The following SH3BGRL2 variants were observed in gnomAD, a reference collection of about 807,000 sequenced individuals.
SH3BGRL2 encodes the protein SH3 domain-binding glutamic acid-rich-like protein 2.
A neutral mutation model predicts 14.8 loss-of-function variants in SH3BGRL2; 21 were observed. The ratio of observed to expected loss-of-function variants is 1.42; its 90% CI spans 1.01 to 2.05. The LOEUF is 2.05. Ranked by LOEUF, SH3BGRL2 falls within the 30% of genes most tolerant of loss-of-function variation. The pLI, the probability that SH3BGRL2 is intolerant of heterozygous loss-of-function variation, is 0.00. For synonymous variants in SH3BGRL2, 50 were observed against 47.8 expected, an observed-to-expected ratio of 1.05 and a Z score of -0.19; for missense variants, 147 against 130.8, an observed-to-expected ratio of 1.12 and a Z score of -0.61.
the SH3BGRL2 span, among the ~76,000 whole-genome samples, chr6:79,596,695 T>C: frequency 1.3e-5 from 2 of 152,234 alleles, no homozygotes; most frequent in South Asian, 4.1e-4. Context: ...TGGCAGACTG[T>C]ATTCCCCAAA....
In SH3BGRL2 at chr6:79,696,370, T is replaced by A. The variant is rs1467577276; in HGVS notation, c.232-115T>A. On this transcript the variant is annotated intron_variant, in intron 2 of 3. Coordinates refer to ENST00000369838, the MANE Select transcript of SH3BGRL2 (RefSeq NM_031469.4). ...GCAGATTTATTTAGCTTTTCCCTGA[T>A]CTGGACAGAGCAATGGTACATTTTT... 5.6e-6 allele frequency: 4 copies of A among 716,038 alleles called. No homozygotes were observed. The African/African-American group carries it at 5.7e-5, about 10-fold the overall frequency. 44.4% of individuals were successfully genotyped at this position (716,038 alleles called of 1,614,324 possible).
chr6:79,618,396 A>AT, the SH3BGRL2 span, among the ~76,000 whole-genome samples: 2 of 152,072 alleles, frequency 1.3e-5, no homozygotes, highest in African/African-American at 4.8e-5. Context: ...TTCTTTGGGC[A>AT]TTTTTTGGCA....
At chr6:79,570,904 C>G in the SH3BGRL2 span, among the ~76,000 whole-genome samples, 1 of 152,088 alleles carries the variant, frequency 6.6e-6, no homozygotes, top group African/African-American at 2.4e-5. Flanking sequence ...TTAGCTTTAA[C>G]GAATATGAAT....
the SH3BGRL2 span, among the ~76,000 whole-genome samples, chr6:79,615,363 T>C: frequency 1.5e-3 from 229 of 152,340 alleles, 4 homozygotes; most frequent in African/African-American, 5.4e-3. Context: ...AAAGTTCAGC[T>C]GGACCATTGT....
the SH3BGRL2 span, among the ~76,000 whole-genome samples, chr6:79,542,353 A>C: frequency 5.3e-5 from 8 of 151,422 alleles, no homozygotes; most frequent in South Asian, 1.5e-3. Context: ...CTGCAATGCA[A>C]CCTCTGCCTC....
chr6:79,669,951 A>G (rs1769740308), intron 1 of SH3BGRL2, among the ~76,000 whole-genome samples: 1 of 152,200 alleles, frequency 6.6e-6, no homozygotes, highest in African/African-American at 2.4e-5. Context: ...TCTGTGATCT[A>G]GCTCAAAGGT....
At chr6:79,681,760 C>CATA (rs1247057989) in intron 2 of SH3BGRL2, among the ~76,000 whole-genome samples, 1 of 152,024 alleles carries the variant, frequency 6.6e-6, no homozygotes, top group East Asian at 1.9e-4. Flanking sequence ...TTTTTTTAAG[C>CATA]ATAAAGAACC....
At chr6:79,601,164 G>T in the SH3BGRL2 span, among the ~76,000 whole-genome samples, 1 of 152,142 alleles carries the variant, frequency 6.6e-6, no homozygotes, top group East Asian at 1.9e-4. Flanking sequence ...AAGGCAAGAG[G>T]CAACGCTATA....
chr6:79,638,685 C>T (rs1768973249), intron 1 of SH3BGRL2, among the ~76,000 whole-genome samples: 1 of 152,026 alleles, frequency 6.6e-6, no homozygotes, highest in African/African-American at 2.4e-5. Context: ...TTTGCATTTT[C>T]CTGATGATTA....
At chr6:79,674,388 G>C (rs768602639) in intron 2 of SH3BGRL2, among the ~76,000 whole-genome samples, 1 of 152,028 alleles carries the variant, frequency 6.6e-6, no homozygotes, top group Non-Finnish European at 1.5e-5. Flanking sequence ...TGTAGCATAC[G>C]AGAAGATGAA....
chr6:79,585,605 TTC>T, the SH3BGRL2 span, among the ~76,000 whole-genome samples: 2 of 152,180 alleles, frequency 1.3e-5, no homozygotes, highest in Admixed American at 6.5e-5. Context: ...AGATCTGTGT[TTC>T]TATGTCAGTG....
chr6:79,593,121 A>G, the SH3BGRL2 span, among the ~76,000 whole-genome samples: 1 of 152,198 alleles, frequency 6.6e-6, no homozygotes, highest in Admixed American at 6.5e-5. Flanking sequence ...GTAAATCTGT[A>G]TTATCATGGA....
chr6:79,692,989 G>A (rs545663323), intron 2 of SH3BGRL2, among the ~76,000 whole-genome samples: 254 of 152,176 alleles, frequency 1.7e-3, no homozygotes, highest in African/African-American at 5.8e-3. Context: ...CTACCCATGA[G>A]CATGGAATGT....
intron 2 of SH3BGRL2, among the ~76,000 whole-genome samples, chr6:79,686,130 T>G (rs1396668890): frequency 6.6e-6 from 1 of 152,222 alleles, no homozygotes; most frequent in African/African-American, 2.4e-5. Context: ...GTCTGCTAGA[T>G]TAGATTCTTA....
At chr6:79,690,687 A>G (rs1200954024) in intron 2 of SH3BGRL2, among the ~76,000 whole-genome samples, 1 of 152,228 alleles carries the variant, frequency 6.6e-6, no homozygotes, top group Non-Finnish European at 1.5e-5. Context: ...TTGACTAAAC[A>G]TATACACCAC....
chr6:79,547,072 C>T, the SH3BGRL2 span, among the ~76,000 whole-genome samples: 3 of 152,040 alleles, frequency 2.0e-5, no homozygotes, highest in Non-Finnish European at 4.4e-5. Context: ...ATGAGGCATC[C>T]GTAGAGACTA....
At chr6:79,602,620 G>A in the SH3BGRL2 span, among the ~76,000 whole-genome samples, 1 of 152,274 alleles carries the variant, frequency 6.6e-6, no homozygotes, top group Admixed American at 6.5e-5. Context: ...CTATAAGTTA[G>A]TTTTACCTAA....
chr6:79,568,045 C>T, the SH3BGRL2 span, among the ~76,000 whole-genome samples: 1 of 152,098 alleles, frequency 6.6e-6, no homozygotes, highest in African/African-American at 2.4e-5. Flanking sequence ...AAAACATTGG[C>T]AAAAATTTTA....
the SH3BGRL2 span, among the ~76,000 whole-genome samples, chr6:79,608,407 A>G: frequency 6.6e-6 from 1 of 152,192 alleles, no homozygotes; most frequent in African/African-American, 2.4e-5. Context: ...CCTTTAATCT[A>G]GATTCCTGTC....
Sources: gnomAD v4.1 joint callset for allele counts (sites outside exome capture counted in the v4.1 genomes callset) on GRCh38, gnomAD v4.1.1 for gene constraint, MANE v1.5 for transcripts, NCBI Gene and HGNC (gene_info 2026-07-23, HGNC 2026-07-21) for gene names.